Variants in MFSD11 observed in about 807,000 individuals in gnomAD.
MFSD11 encodes major facilitator superfamily domain containing 11, also known as UNC93-like protein MFSD11.
Under a neutral mutation model 53.5 loss-of-function variants are expected in MFSD11, and 36 were observed. The ratio of observed to expected loss-of-function variants is 0.67; its 90% CI spans 0.52 to 0.89. The LOEUF (loss-of-function observed/expected upper bound fraction) is 0.89, where lower values mean the gene tolerates loss of function less well. Ranked by LOEUF, MFSD11 falls within the 40% of genes least tolerant of loss-of-function variation. The pLI, the probability that MFSD11 is intolerant of heterozygous loss-of-function variation, is 0.00. For synonymous variants in MFSD11, 186 were observed against 184.9 expected, an observed-to-expected ratio of 1.01 and a Z score of -0.05; for missense variants, 530 against 543.9, an observed-to-expected ratio of 0.97 and a Z score of 0.25.
At chr17:76,752,578 G>A (rs62086790) in intron 7 of MFSD11, among the ~76,000 whole-genome samples, 7,426 of 151,764 alleles carry the variant, frequency 0.049, 240 homozygotes, top group South Asian at 0.082. Flanking sequence ...ATAGGGTTTC[G>A]CCATGTTGGC....
At chr17:76,745,039 C>T (rs1598503953) in intron 7 of MFSD11, among the ~76,000 whole-genome samples, 2 of 152,146 alleles carry the variant, frequency 1.3e-5, no homozygotes, top group Non-Finnish European at 2.9e-5. Context: ...TTGTAAATTA[C>T]CTAAGCACAT....
At chr17:76,777,329 G>A (rs969321485) in intron 12 of MFSD11, among the ~76,000 whole-genome samples, 2 of 151,368 alleles carry the variant, frequency 1.3e-5, no homozygotes, top group Non-Finnish European at 2.9e-5. Context: ...GCAGTGGCAC[G>A]ATCTTGGCTC....
Position 76,779,267 on chromosome 17 carries a change from A to AG in MFSD11, c.*915_*916insG, listed in dbSNP as rs1345789356. 6.7e-6 allele frequency: 1 copy of AG among 150,286 alleles called. No homozygotes were observed. Among genetic ancestry groups the AG allele is most frequent in the African/African-American group, 2.4e-5 (1 of 41,184 alleles). The allele number at this position is 150,286 out of a possible 1,614,324, so 9.3% of individuals were successfully genotyped here. On this transcript the variant is annotated 3_prime_UTR_variant, in exon 13 of 13. Transcript: ENST00000685175. ...GAAACTCCATCTCAAAAAAAAAAAA[A>AG]AAAAAAAGAAAAGAAAATAATAATG... is the stretch of plus-strand genomic sequence containing the variant.
chr17:76,759,122 T>C (rs1372881850), intron 8 of MFSD11, among the ~76,000 whole-genome samples: 2 of 152,060 alleles, frequency 1.3e-5, no homozygotes, highest in African/African-American at 4.8e-5. Context: ...CTGGGAATGG[T>C]GGCACGTCCC....
chr17:76,743,453 T>A lies in MFSD11; in HGVS notation c.493T>A (p.Ser165Thr). The A allele has an allele frequency of 1.3e-6, 2 of 1,573,262 alleles. No individual in the cohort carries two copies. Among genetic ancestry groups the A allele is most frequent in the Non-Finnish European group, 1.7e-6 (2 of 1,161,518 alleles). The change falls in exon 6 of 13, where the codon TCA becomes ACA. Residue 165 changes from serine to threonine, a missense_variant. Ser to Thr is a moderately conservative substitution (Grantham distance 58, BLOSUM62 1). Coordinates refer to ENST00000685175, the MANE Select transcript of MFSD11 (RefSeq NM_001242532.5). ...YFAWQGKTQI[S>T]ESDRRTVFIA... ...TGCCTGGCAAGGGAAAACTCAGATATCAGGTTTGTTTTATTCGCGTTGCTT... is the reference window on the plus strand; with the variant it reads ...TGCCTGGCAAGGGAAAACTCAGATAACAGGTTTGTTTTATTCGCGTTGCTT...
At chr17:76,755,769 C>CGTGT (rs67060734) in intron 8 of MFSD11, among the ~76,000 whole-genome samples, 1 of 29,384 alleles carries the variant, frequency 3.4e-5, no homozygotes, top group African/African-American at 7.8e-5. Context: ...TATATATGTA[C>CGTGT]GTGTGTGTGT....
At chr17:76,765,768 T>C (rs1044105915) in intron 8 of MFSD11, among the ~76,000 whole-genome samples, 2 of 152,082 alleles carry the variant, frequency 1.3e-5, no homozygotes, top group East Asian at 1.9e-4. Context: ...AATTTTAGGA[T>C]CAATCTATTT....
At chr17:76,755,812 A>ATATATATATATATATATTT (rs1555669398) in intron 8 of MFSD11, among the ~76,000 whole-genome samples, 1 of 19,518 alleles carries the variant, frequency 5.1e-5, no homozygotes, top group Non-Finnish European at 9.7e-5. Context: ...ATATATATAT[A>ATATATATATATATATATTT]TTTTTTTTTT....
chr17:76,738,718 A>T (rs1421468542), intron 1 of MFSD11, among the ~76,000 whole-genome samples: 1 of 152,136 alleles, frequency 6.6e-6, no homozygotes, highest in East Asian at 1.9e-4. Flanking sequence ...GCGCTTCCTT[A>T]GTACTTGGAT....
the MFSD11 span, among the ~76,000 whole-genome samples, chr17:76,796,510 G>A: frequency 6.6e-6 from 1 of 152,038 alleles, no homozygotes; most frequent in African/African-American, 2.4e-5. Context: ...CACACCAGCC[G>A]ACTCTGCAGC....
Position 76,759,756 on chromosome 17 carries a change from C to CTTTTTTTTTTTT in MFSD11, c.682+5688_682+5699dup. Among the ~76,000 whole-genome samples, 21 of 27,018 alleles carry CTTTTTTTTTTTT rather than the reference C, an allele frequency of 7.8e-4. 1 individual carries two copies. Among genetic ancestry groups the CTTTTTTTTTTTT allele is most frequent in the Non-Finnish European group, 9.1e-4 (14 of 15,424 alleles). The allele number at this position is 27,018 out of a possible 152,430, so 17.7% of individuals were successfully genotyped here. A position where few individuals can be genotyped will look rare whatever the true frequency, so the allele number is the denominator to read the frequency against. ...ACAGGTGTGAGCCACCGTGACCGGC[C>CTTTTTTTTTTTT]TTTTTTTTTTTTTTTTTTTTTTTTT... On this transcript the variant is annotated intron_variant, in intron 8 of 12. Coordinates refer to ENST00000685175, the MANE Select transcript of MFSD11 (RefSeq NM_001242532.5).
chr17:76,742,892 G>A (rs539259019), intron 5 of MFSD11, among the ~76,000 whole-genome samples: 23 of 152,316 alleles, frequency 1.5e-4, no homozygotes, highest in Non-Finnish European at 2.6e-4. Flanking sequence ...TCACCCTCAT[G>A]AATCGCGCCT....
At chr17:76,745,400 G>GT (rs1263730470) in intron 7 of MFSD11, 1 of 152,184 alleles carries the variant, frequency 6.6e-6, no homozygotes, top group African/African-American at 2.4e-5. Flanking sequence ...CAGACACTGG[G>GT]TTTTTTACAA....
chr17:76,781,231 C>G (rs1696145606), downstream of MFSD11: 1 of 152,204 alleles, frequency 6.6e-6, no homozygotes, highest in Non-Finnish European at 1.5e-5. Flanking sequence ...AAGTAAGGAT[C>G]TTGGTTTCTT....
intron 6 of MFSD11, among the ~76,000 whole-genome samples, 187 bp from the exon 7 acceptor site, chr17:76,744,135 A>G (rs921261062): frequency 1.3e-5 from 2 of 152,084 alleles, no homozygotes; most frequent in Non-Finnish European, 2.9e-5. Context: ...GCTTATTCAT[A>G]TTTCTCTAAC....
chr17:76,777,129 G>A (rs544499367), intron 12 of MFSD11, among the ~76,000 whole-genome samples: 5 of 152,224 alleles, frequency 3.3e-5, no homozygotes, highest in African/African-American at 7.2e-5. Context: ...TTAGCCGGGC[G>A]TGGTGGCACG....
Position 76,744,351 on chromosome 17 carries a change from C to G in MFSD11, c.526C>G (p.Leu176Val). 1.9e-6 allele frequency: 3 copies of G among 1,613,934 alleles called. No individual in the cohort carries two copies. The highest frequency in any genetic ancestry group is 1.7e-6 in the Non-Finnish European group (2 of 1,179,966). Residue 176 changes from leucine (L) to valine (V), a missense_variant, in exon 7 of 13, where the codon CTA (leucine) becomes GTA (valine). Coordinates refer to ENST00000685175, the MANE Select transcript of MFSD11 (RefSeq NM_001242532.5). Reference protein sequence around the residue: ...ESDRRTVFIALTVISLVGTVL... With the variant: ...ESDRRTVFIAVTVISLVGTVL... The stretch of plus-strand genomic sequence containing the variant: ...TGACCGAAGAACAGTGTTTATTGCC[C>G]TAACGGTGATTAGCCTTGTGGGGAC...
In MFSD11 at chr17:76,738,336, G is replaced by T; in HGVS notation, c.-17G>T. ...CTGACTGCCCTGGGCTGCTGCCTCCGGCAGAGCTGAGCCAAAATGTCCCCG... is the reference window on the plus strand; with the variant it reads ...CTGACTGCCCTGGGCTGCTGCCTCCTGCAGAGCTGAGCCAAAATGTCCCCG... On this transcript the variant is annotated 5_prime_UTR_variant, in exon 1 of 13. Transcript: ENST00000685175. 6.2e-7 allele frequency: 1 copy of T among 1,601,292 alleles called. No individual in the cohort carries two copies. The highest frequency in any genetic ancestry group is 1.1e-5 in the South Asian group (1 of 90,826).
intron 10 of MFSD11, among the ~76,000 whole-genome samples, chr17:76,773,827 T>C (rs1319527794): frequency 2.6e-5 from 4 of 151,898 alleles, no homozygotes; most frequent in African/African-American, 4.8e-5. Context: ...AGGATGGTCT[T>C]GATCTCTTGA....
Sources: gnomAD v4.1 joint callset for allele counts (sites outside exome capture counted in the v4.1 genomes callset) on GRCh38, gnomAD v4.1.1 for gene constraint, MANE v1.5 for transcripts, NCBI Gene and HGNC (gene_info 2026-07-23, HGNC 2026-07-21) for gene names.